NCKAP5: variants seen among roughly 807,000 people sequenced by gnomAD.
The protein encoded by NCKAP5 is nck-associated protein 5.
In NCKAP5, 92 loss-of-function variants were observed where a neutral mutation model predicts 167.0. That is an observed-to-expected ratio of 0.55 (90% CI 0.47 to 0.66). The LOEUF (loss-of-function observed/expected upper bound fraction) is 0.66. Among genes scored for constraint, NCKAP5 ranks in the 30% least tolerant of loss-of-function variants. The pLI is 0.00. For synonymous variants in NCKAP5, 891 were observed against 877.4 expected, an observed-to-expected ratio of 1.02 and a Z score of -0.27; for missense variants, 2,378 against 2,315.0, an observed-to-expected ratio of 1.03 and a Z score of -0.56.
intron 7 of NCKAP5, among the ~76,000 whole-genome samples, chr2:132,985,817 T>G (rs1189939703): frequency 6.6e-6 from 1 of 152,152 alleles, no homozygotes; most frequent in African/African-American, 2.4e-5. Flanking sequence ...AACAATTGCT[T>G]AAAGCAGAAT....
chr2:133,138,708 T>A (rs981589736), intron 5 of NCKAP5, among the ~76,000 whole-genome samples: 5 of 152,226 alleles, frequency 3.3e-5, no homozygotes, highest in African/African-American at 1.2e-4. Flanking sequence ...GCCTCCATTT[T>A]AAATATAAGT....
intron 4 of NCKAP5, among the ~76,000 whole-genome samples, chr2:133,249,998 T>TTATTATTATTA (rs2088220687): frequency 2.2e-5 from 3 of 138,226 alleles, no homozygotes; most frequent in African/African-American, 8.0e-5. Context: ...CACCAAGGGT[T>TTATTATTATTA]TTATTATTAT....
intron 6 of NCKAP5, among the ~76,000 whole-genome samples, chr2:133,030,679 C>T (rs937904828): frequency 1.5e-4 from 23 of 152,090 alleles, no homozygotes; most frequent in Admixed American, 1.4e-3. Flanking sequence ...TCATAAATAG[C>T]GGATACACAG....
intron 3 of NCKAP5, among the ~76,000 whole-genome samples, chr2:133,363,192 T>C (rs1029114536): frequency 1.3e-5 from 2 of 152,172 alleles, no homozygotes; most frequent in African/African-American, 2.4e-5. Flanking sequence ...GCTGAAATAG[T>C]ATATCATGAA....
At chr2:132,943,734 G>A (rs1417579474) in intron 8 of NCKAP5, among the ~76,000 whole-genome samples, 1 of 152,166 alleles carries the variant, frequency 6.6e-6, no homozygotes, top group Non-Finnish European at 1.5e-5. Flanking sequence ...GGCCCTGAGA[G>A]CCAGAAGACA....
At chr2:133,368,589 A>G (rs1480595283) in intron 3 of NCKAP5, among the ~76,000 whole-genome samples, 2 of 152,212 alleles carry the variant, frequency 1.3e-5, no homozygotes, top group African/African-American at 2.4e-5. Flanking sequence ...GAGAAAAACT[A>G]TGCTTGGACT....
At chr2:132,999,333 A>G (rs1315861186) in intron 6 of NCKAP5, among the ~76,000 whole-genome samples, 2 of 152,214 alleles carry the variant, frequency 1.3e-5, no homozygotes, top group Non-Finnish European at 2.9e-5. Flanking sequence ...TGAGAAGAGT[A>G]ACAATTCAAA....
In NCKAP5 at chr2:133,550,033, C is replaced by T. The variant is rs1199249117; in HGVS notation, c.-62+9017G>A. Among the ~76,000 whole-genome samples the T allele has an allele frequency of 7.2e-5, 11 of 151,772 alleles. No homozygotes were observed. In the East Asian group the frequency reaches 2.1e-3, roughly 29 times the overall value. ...AAATTCCTCAACACATACATTCTCCCAAGACTAAACCAGGAAGAAGTTGAA... is the reference window on the plus strand; with the variant it reads ...AAATTCCTCAACACATACATTCTCCTAAGACTAAACCAGGAAGAAGTTGAA... On this transcript the variant is annotated intron_variant, in intron 2 of 19. Transcript: ENST00000409261.
chr2:132,782,628 C>T lies in NCKAP5; in HGVS notation c.4183G>A (p.Glu1395Lys). The part of the protein sequence containing the change: ...KEDQQAFTQG[E>K]CPSANVAVLG... ...ACAGCCACATTGGCACTGGGGCACT[C>T]TCCCTGGGTGAAGGCCTGCTGGTCT... The change falls in exon 14 of 20, where the codon GAG becomes AAG. Residue 1395 changes from glutamate (E) to lysine (K), a missense_variant. Coordinates refer to ENST00000409261, the MANE Select transcript of NCKAP5 (RefSeq NM_207363.3). 1 of 1,602,996 alleles carries T rather than the reference C, an allele frequency of 6.2e-7. No homozygotes were observed.
chr2:133,589,108 A>G, the NCKAP5 span, among the ~76,000 whole-genome samples: 1 of 152,192 alleles, frequency 6.6e-6, no homozygotes, highest in East Asian at 1.9e-4. Flanking sequence ...CTTAAGGGAT[A>G]TTGGGGTTGC....
At chr2:133,606,173 C>A in the NCKAP5 span, among the ~76,000 whole-genome samples, 1 of 152,034 alleles carries the variant, frequency 6.6e-6, no homozygotes, top group African/African-American at 2.4e-5. Context: ...CTTAAGAAAA[C>A]TATGCAACAT....
At chr2:132,803,836 G>T (rs558874674) in intron 11 of NCKAP5, among the ~76,000 whole-genome samples, 3 of 152,274 alleles carry the variant, frequency 2.0e-5, no homozygotes, top group East Asian at 3.9e-4. Flanking sequence ...CATTAACAGA[G>T]CTGACAATAT....
intron 5 of NCKAP5, among the ~76,000 whole-genome samples, chr2:133,187,337 T>A (rs1333046891): frequency 6.6e-6 from 1 of 152,050 alleles, no homozygotes; most frequent in Non-Finnish European, 1.5e-5. Context: ...TATAGATTTT[T>A]AAAAATTTAT....
intron 6 of NCKAP5, among the ~76,000 whole-genome samples, chr2:133,033,199 A>G (rs563505479): frequency 6.6e-6 from 1 of 152,348 alleles, no homozygotes; most frequent in South Asian, 2.1e-4. Flanking sequence ...GTAAGGGAAG[A>G]GAACAAGAGA....
intron 16 of NCKAP5, among the ~76,000 whole-genome samples, chr2:132,748,641 C>A (rs889912115): frequency 6.6e-6 from 1 of 152,194 alleles, no homozygotes; most frequent in Non-Finnish European, 1.5e-5. Context: ...TATACCCGTA[C>A]CCTACTCTCC....
intron 11 of NCKAP5, among the ~76,000 whole-genome samples, chr2:132,814,729 G>C (rs955350458): frequency 6.6e-6 from 1 of 152,160 alleles, no homozygotes; most frequent in Non-Finnish European, 1.5e-5. Context: ...CTAAAGATGA[G>C]ACTGTAACAT....
chr2:133,278,529 G>C (rs1458330368), intron 4 of NCKAP5, among the ~76,000 whole-genome samples: 2 of 152,062 alleles, frequency 1.3e-5, no homozygotes, highest in African/African-American at 4.8e-5. Context: ...GATTAATCCA[G>C]GATAATGTCT....
At chr2:133,390,048 C>A (rs904171724) in intron 3 of NCKAP5, among the ~76,000 whole-genome samples, 7 of 152,168 alleles carry the variant, frequency 4.6e-5, no homozygotes, top group Non-Finnish European at 1.0e-4. Context: ...CAAAATATAC[C>A]CACAACTAAG....
chr2:132,723,078 T>TA (rs781765345), intron 19 of NCKAP5, among the ~76,000 whole-genome samples: 7 of 151,858 alleles, frequency 4.6e-5, no homozygotes, highest in African/African-American at 7.3e-5. Context: ...TCTCTTGCCT[T>TA]ACCGTCCCGA....
Sources: allele counts gnomAD v4.1 joint callset (sites outside exome capture counted in the v4.1 genomes callset), GRCh38; gene constraint gnomAD v4.1.1; transcripts MANE v1.5; gene names NCBI Gene and HGNC (gene_info 2026-07-23, HGNC 2026-07-21).